Variants in DNAH7 observed in about 807,000 individuals in gnomAD.
The protein encoded by DNAH7 is axonemal beta dynein heavy chain 7.
In DNAH7, 397 loss-of-function variants were observed where a neutral mutation model predicts 444.6. That is an observed-to-expected ratio of 0.89 (90% CI 0.82 to 0.97). The LOEUF is 0.97. Ranked by LOEUF, DNAH7 falls within the 50% of genes least tolerant of loss-of-function variation. The pLI is 0.00. For synonymous variants in DNAH7, 1,636 were observed against 1,624.4 expected, an observed-to-expected ratio of 1.01 and a Z score of -0.17; for missense variants, 4,902 against 4,800.8, an observed-to-expected ratio of 1.02 and a Z score of -0.62.
chr2:195,810,968 A>G (rs1696942556), intron 51 of DNAH7, among the ~76,000 whole-genome samples: 1 of 152,214 alleles, frequency 6.6e-6, no homozygotes, highest in Non-Finnish European at 1.5e-5. Flanking sequence ...AATTTTCTGC[A>G]CTTTAAAACA....
intron 19 of DNAH7, among the ~76,000 whole-genome samples, chr2:195,946,526 T>C (rs1156799142): frequency 6.6e-6 from 1 of 152,072 alleles, no homozygotes; most frequent in East Asian, 1.9e-4. Context: ...TCCAACAGGC[T>C]AGACCAGTTG....
At position 195,864,685 on chromosome 2, in the gene DNAH7, T is replaced by C; in HGVS notation, c.6970A>G (p.Ser2324Gly). The C allele has an allele frequency of 6.2e-7, 1 of 1,614,250 alleles. No individual in the cohort carries two copies. Among genetic ancestry groups the C allele is most frequent in the Non-Finnish European group, 8.5e-7 (1 of 1,180,050 alleles). ...TGCTTCAGGATCCTGGAAATTCTGC[T>C]GATGTGCTCTATGGCAAATCGAAAC... ...VLFRFAIEHISRISRILKQPR... is the reference protein window; with the variant it reads ...VLFRFAIEHIGRISRILKQPR... Residue 2324 changes from serine (S) to glycine (G), a missense_variant, in exon 41 of 65, where the codon AGC becomes GGC. By Grantham distance (56) the Ser-to-Gly change is moderately conservative (BLOSUM62 0). Transcript: ENST00000312428.
At chr2:195,796,516 T>TAC in intron 56 of DNAH7, 60 bp downstream of exon 56, 1 of 1,574,212 alleles carries the variant, frequency 6.4e-7, no homozygotes, top group African/African-American at 1.4e-5. Context: ...CCGAATGTTA[T>TAC]GTATATTACT....
At chr2:195,968,279 A>G (rs962904014) in intron 17 of DNAH7, among the ~76,000 whole-genome samples, 7 of 152,132 alleles carry the variant, frequency 4.6e-5, no homozygotes, top group Non-Finnish European at 1.0e-4. Context: ...CCACCTGGAT[A>G]TCACTATTGG....
At chr2:195,753,249 G>C (rs1446321167) in intron 63 of DNAH7, among the ~76,000 whole-genome samples, 2 of 151,888 alleles carry the variant, frequency 1.3e-5, no homozygotes, top group East Asian at 3.9e-4. Context: ...GATAAGGTGA[G>C]ATGTGGGAGC....
chr2:195,766,069 C>A (rs768292498), intron 61 of DNAH7, among the ~76,000 whole-genome samples: 74 of 149,974 alleles, frequency 4.9e-4, no homozygotes, highest in Non-Finnish European at 7.4e-4. Flanking sequence ...CTGTCATTTG[C>A]AACAAAATGG....
At chr2:195,814,450 T>C (rs1213025045) in intron 51 of DNAH7, among the ~76,000 whole-genome samples, 1 of 152,198 alleles carries the variant, frequency 6.6e-6, no homozygotes, top group Non-Finnish European at 1.5e-5. Flanking sequence ...ATACCTTGGA[T>C]GAGTTCTAAC....
rs1415216656 is a variant in DNAH7, at chr2:195,778,636, ATAAATAAATATATAT to A, written c.10879-666_10879-652del. Among the ~76,000 whole-genome samples the A allele has an allele frequency of 7.9e-5, 5 of 63,130 alleles. No individual in the cohort carries two copies. In the East Asian group the frequency reaches 2.6e-3, roughly 33 times the overall value. 41.4% of individuals were successfully genotyped at this position (63,130 alleles called of 152,430 possible). On this transcript the variant is annotated intron_variant, in intron 58 of 64. Coordinates refer to ENST00000312428, the MANE Select transcript of DNAH7 (RefSeq NM_018897.3). ...CCTGTCTGAAAAAAAAAAAAAATAA[ATAAATAAATATATAT>A]ATATATATATATATATATACACACA...
chr2:195,881,849 T>C lies in DNAH7; in HGVS notation c.5907A>G (p.Gln1969=), dbSNP rs1449233367. 2 of 1,614,060 alleles carry C rather than the reference T, an allele frequency of 1.2e-6. No individual in the cohort carries two copies. The highest frequency in any genetic ancestry group is 3.3e-5 in the Admixed American group (2 of 60,026). ...SALMELLTTH[Q]KPSIFVGPTG... is the part of the protein sequence containing the mutation. ...TTGGTCCTACAAATATTGAAGGCTT[T>C]TGATGGGTGGTCAGCAATTCCATTA... is the stretch of plus-strand genomic sequence containing the variant. Residue 1969 remains glutamine (Q), a synonymous_variant, in exon 36 of 65, where the codon CAA becomes CAG. Coordinates refer to ENST00000312428, the MANE Select transcript of DNAH7 (RefSeq NM_018897.3).
rs116141796 is a variant in DNAH7 at position 196,048,103 on chromosome 2, A to G, written c.250+193T>C. 5.8e-3 allele frequency among the ~76,000 whole-genome samples: 880 copies of G among 152,338 alleles called. 5 individuals are homozygous for G. Among genetic ancestry groups the G allele is most frequent in the Middle Eastern group, 0.014 (4 of 294 alleles). On this transcript the variant is annotated intron_variant, in intron 4 of 64. Transcript: ENST00000312428. Reference sequence around the variant, plus strand: ...TTCCTAAAATATCAGCTCTTATAGCATTTACAACAGCCTAAAATAACTGAG... The same window carrying G: ...TTCCTAAAATATCAGCTCTTATAGCGTTTACAACAGCCTAAAATAACTGAG...
intron 19 of DNAH7, among the ~76,000 whole-genome samples, chr2:195,937,963 A>G (rs1363714107): frequency 6.6e-6 from 1 of 152,194 alleles, no homozygotes; most frequent in Non-Finnish European, 1.5e-5. Flanking sequence ...AATATTGTTA[A>G]AAACTAAATA....
intron 14 of DNAH7, among the ~76,000 whole-genome samples, chr2:195,985,970 T>G (rs917540781): frequency 5.3e-5 from 8 of 152,210 alleles, no homozygotes; most frequent in African/African-American, 1.9e-4. Context: ...ACACTCCTAG[T>G]TCTTGGAATA....
intron 19 of DNAH7, among the ~76,000 whole-genome samples, chr2:195,956,767 G>C (rs1243499366): frequency 6.6e-6 from 1 of 151,862 alleles, no homozygotes; most frequent in Admixed American, 6.6e-5. Context: ...CAGTATTTGT[G>C]TATTTTTCTT....
chr2:195,906,313 T>C (rs1040932806), intron 27 of DNAH7, among the ~76,000 whole-genome samples: 1 of 152,034 alleles, frequency 6.6e-6, no homozygotes, highest in Non-Finnish European at 1.5e-5. Flanking sequence ...CTTTAAAAAT[T>C]GTTTTCTAAA....
intron 48 of DNAH7, among the ~76,000 whole-genome samples, chr2:195,832,987 C>T (rs979552253): frequency 3.3e-5 from 5 of 152,156 alleles, no homozygotes; most frequent in African/African-American, 1.2e-4. Flanking sequence ...AACTGAGTCT[C>T]AGGAAGGTCA....
intron 3 of DNAH7, among the ~76,000 whole-genome samples, chr2:196,050,429 T>G (rs1697393307): frequency 6.6e-6 from 1 of 152,146 alleles, no homozygotes; most frequent in Admixed American, 6.5e-5. Flanking sequence ...TAGTAATAAT[T>G]ATACAACAAT....
chr2:195,998,973 C>T (rs1465494153), intron 12 of DNAH7: 4 of 619,612 alleles, frequency 6.5e-6, no homozygotes, highest in South Asian at 6.1e-5. Flanking sequence ...AGCAGCTGCC[C>T]TGGGGACCCT....
intron 10 of DNAH7, among the ~76,000 whole-genome samples, chr2:196,004,385 A>G (rs1460145932): frequency 4.6e-5 from 7 of 152,228 alleles, no homozygotes; most frequent in Non-Finnish European, 2.9e-5. Flanking sequence ...GATCAAAAAT[A>G]GTTGATGGTC....
At chr2:195,992,506 G>GT (rs1186310451) in intron 12 of DNAH7, among the ~76,000 whole-genome samples, 2 of 152,082 alleles carry the variant, frequency 1.3e-5, no homozygotes, top group Non-Finnish European at 2.9e-5. Flanking sequence ...GGGCTTTTGT[G>GT]TTTTTTTGTT....
Sources: allele counts gnomAD v4.1 joint callset (sites outside exome capture counted in the v4.1 genomes callset), GRCh38; gene constraint gnomAD v4.1.1; transcripts MANE v1.5; gene names NCBI Gene and HGNC (gene_info 2026-07-23, HGNC 2026-07-21).